The following MASP1 variants were observed in gnomAD, a reference collection of about 807,000 sequenced individuals.
The protein encoded by MASP1 is mannan-binding lectin serine protease 1.
MASP1 carries 59 observed loss-of-function variants against 77.1 expected under a neutral mutation model. The ratio of observed to expected loss-of-function variants is 0.77; its 90% CI spans 0.62 to 0.95. The LOEUF (loss-of-function observed/expected upper bound fraction) is 0.95, where lower values mean the gene tolerates loss of function less well. Among genes scored for constraint, MASP1 ranks in the 40% least tolerant of loss-of-function variants. MASP1 has a pLI of 0.00. For missense variants in MASP1, 885 were observed against 912.9 expected, an observed-to-expected ratio of 0.97 and a Z score of 0.39; for synonymous variants, 362 against 354.5, an observed-to-expected ratio of 1.02 and a Z score of -0.24.
At chr3:187,260,610 G>C in intron 4 of MASP1, 131 bp downstream of exon 4, 1 of 1,233,924 alleles carries the variant, frequency 8.1e-7, no homozygotes, top group Non-Finnish European at 1.2e-6. Flanking sequence ...CATCCATGTG[G>C]TGTCTGAGGT....
At chr3:187,289,891 C>T (rs1718169817) in intron 1 of MASP1, among the ~76,000 whole-genome samples, 1 of 152,194 alleles carries the variant, frequency 6.6e-6, no homozygotes, top group African/African-American at 2.4e-5. Flanking sequence ...GAATCTGAAA[C>T]CCCCATGAGA....
At chr3:187,287,258 C>T (rs1717938149) in intron 1 of MASP1, among the ~76,000 whole-genome samples, 1 of 152,144 alleles carries the variant, frequency 6.6e-6, no homozygotes, top group South Asian at 2.1e-4. Context: ...AGTAGCCAGC[C>T]CTGTGAGCCC....
At chr3:187,232,280 T>G (rs1020412608), downstream of MASP1, among the ~76,000 whole-genome samples, 11 of 144,582 alleles carry the variant, frequency 7.6e-5, no homozygotes, top group Admixed American at 6.2e-4. Context: ...ATGCCTTCCA[T>G]GATGCTGGTG....
chr3:187,248,350 T>C (rs71322467), intron 8 of MASP1, among the ~76,000 whole-genome samples: 2,024 of 152,278 alleles, frequency 0.013, 17 homozygotes, highest in Middle Eastern at 0.027. Flanking sequence ...CTTTTGCATG[T>C]TTCTGGCCCT....
At chr3:187,290,322 A>G (rs1718206920) in intron 1 of MASP1, among the ~76,000 whole-genome samples, 1 of 152,142 alleles carries the variant, frequency 6.6e-6, no homozygotes, top group Non-Finnish European at 1.5e-5. Flanking sequence ...ATAAAGAAGA[A>G]GGTTGCTCCA....
chr3:187,284,729 A>G (rs698104), intron 2 of MASP1, among the ~76,000 whole-genome samples: 116,149 of 152,112 alleles, frequency 0.76, 45,710 homozygotes, highest in East Asian at 0.88. Flanking sequence ...ACCTTAATCC[A>G]TCACTTACCA....
At chr3:187,230,558 G>T (rs1355148255), downstream of MASP1, among the ~76,000 whole-genome samples, 1 of 152,138 alleles carries the variant, frequency 6.6e-6, no homozygotes, top group Admixed American at 6.5e-5. Flanking sequence ...TTATGCTCCA[G>T]CCACATGAAT....
chr3:187,249,802 C>T (rs1283093157), intron 8 of MASP1, among the ~76,000 whole-genome samples: 1 of 152,188 alleles, frequency 6.6e-6, no homozygotes, highest in East Asian at 1.9e-4. Context: ...GTGCTGATCC[C>T]ACAGCCCTTC....
At chr3:187,267,264 C>T (rs2108573974) in intron 2 of MASP1, among the ~76,000 whole-genome samples, 1 of 152,278 alleles carries the variant, frequency 6.6e-6, no homozygotes, top group African/African-American at 2.4e-5. Flanking sequence ...AACCCAAATG[C>T]CTCATGACTT....
chr3:187,236,142 G>C lies in MASP1; in HGVS notation c.1729C>G (p.Leu577Val). The change falls in exon 11 of 11, where the codon CTT becomes GTT. Residue 577 changes from leucine to valine, a missense_variant. Coordinates refer to ENST00000296280, the MANE Select transcript of MASP1 (RefSeq NM_139125.4). ...PHVMPVCLPR[L>V]EPEGPAPHML... ...TGGGGGGCCGGGCCTTCAGGCTCAA[G>C]CCTTGGCAGGCAGACAGGCATAACG... The C allele has an allele frequency of 6.2e-7, 1 of 1,613,962 alleles. No homozygotes were observed. The highest frequency in any genetic ancestry group is 8.5e-7 in the Non-Finnish European group (1 of 1,180,028).
chr3:187,220,646 T>G (rs761583586), intron 15 of MASP1, among the ~76,000 whole-genome samples: 11 of 151,896 alleles, frequency 7.2e-5, no homozygotes, highest in Admixed American at 3.9e-4. Context: ...TACAGGCACC[T>G]GCCACCATGC....
rs892915016 is a variant in MASP1 at position 187,284,679 on chromosome 3, A to G, written c.237+1146T>C. On this transcript the variant is annotated intron_variant, in intron 2 of 10. Coordinates refer to ENST00000296280, the MANE Select transcript of MASP1 (RefSeq NM_139125.4). ...GCTTGGGAGTTGTTTGGTGTAGACA[A>G]AAGAGCATGTGATTCAAAAACACAA... Among the ~76,000 whole-genome samples, 3 of 152,280 alleles carry G rather than the reference A, an allele frequency of 2.0e-5. No homozygotes were observed. In the South Asian group the frequency reaches 6.2e-4, roughly 32 times the overall value.
chr3:187,250,104 T>C, intron 8 of MASP1, 147 bp downstream of exon 8: 3 of 754,006 alleles, frequency 4.0e-6, no homozygotes, highest in East Asian at 2.5e-5. Context: ...TACTCTTTTT[T>C]TTCCCAACCC....
chr3:187,234,689 G>A lies in MASP1; in HGVS notation c.*995C>T. On this transcript the variant is annotated 3_prime_UTR_variant, in exon 11 of 11. Coordinates refer to ENST00000296280, the MANE Select transcript of MASP1 (RefSeq NM_139125.4). ...CCAGGCAGCCTGGCAGGATTTGGGT[G>A]ACTTCTAATGTGCCCACCCCACTCT... The A allele has an allele frequency of 1.4e-5, 18 of 1,287,222 alleles. No individual in the cohort carries two copies. Among genetic ancestry groups the A allele is most frequent in the Non-Finnish European group, 1.6e-5 (16 of 988,698 alleles). 79.7% of individuals were successfully genotyped at this position (1,287,222 alleles called of 1,614,324 possible).
At chr3:187,238,516 G>A (rs1713361295) in intron 10 of MASP1, among the ~76,000 whole-genome samples, 1 of 152,196 alleles carries the variant, frequency 6.6e-6, no homozygotes, top group South Asian at 2.1e-4. Flanking sequence ...TTTCCTGGGA[G>A]AAAGGGATCT....
At chr3:187,264,657 A>G (rs886103351) in intron 2 of MASP1, among the ~76,000 whole-genome samples, 4 of 152,202 alleles carry the variant, frequency 2.6e-5, no homozygotes, top group African/African-American at 4.8e-5. Context: ...TTGCCGGACT[A>G]TAAAGCCTTG....
rs550892909 is a variant in MASP1 at position 187,235,143 on chromosome 3, G to A, written c.*541C>T. On this transcript the variant is annotated 3_prime_UTR_variant, in exon 11 of 11. Transcript: ENST00000296280. The stretch of plus-strand genomic sequence containing the variant: ...CTCCAAGGGATCACACTAAGAGAGA[G>A]GGGCTTGGCTATGAGCCATCTCCCA... The A allele has an allele frequency of 1.2e-4, 152 of 1,287,524 alleles. No individual in the cohort carries two copies. The highest frequency in any genetic ancestry group is 9.8e-4 in the Middle Eastern group (3 of 3,066). The allele number at this position is 1,287,524 out of a possible 1,614,324, so 79.8% of individuals were successfully genotyped here. A position where few individuals can be genotyped will look rare whatever the true frequency, so the allele number is the denominator to read the frequency against.
chr3:187,271,478 G>A (rs1246899649), intron 2 of MASP1, among the ~76,000 whole-genome samples: 3 of 152,060 alleles, frequency 2.0e-5, no homozygotes, highest in African/African-American at 7.2e-5. Flanking sequence ...CACATTAATC[G>A]AGGGTTTATA....
intron 2 of MASP1, among the ~76,000 whole-genome samples, chr3:187,273,962 C>A (rs1399956967): frequency 2.0e-5 from 3 of 152,190 alleles, no homozygotes; most frequent in Non-Finnish European, 4.4e-5. Context: ...GTAATCCCTG[C>A]ATTTTGGGAG....
Sources: allele counts gnomAD v4.1 joint callset (sites outside exome capture counted in the v4.1 genomes callset), GRCh38; gene constraint gnomAD v4.1.1; transcripts MANE v1.5; gene names NCBI Gene and HGNC (gene_info 2026-07-23, HGNC 2026-07-21).